CRPPA: variants seen among roughly 807,000 people sequenced by gnomAD.
CRPPA encodes D-ribitol-5-phosphate cytidylyltransferase.
A neutral mutation model predicts 52.0 loss-of-function variants in CRPPA; 43 were observed. The observed-to-expected ratio is 0.83, with a 90% CI of 0.65 to 1.07. CRPPA has a LOEUF of 1.07. Ranked by LOEUF, CRPPA falls within the 50% of genes least tolerant of loss-of-function variation. The pLI is 0.00. For synonymous variants in CRPPA, 250 were observed against 203.5 expected, an observed-to-expected ratio of 1.23 and a Z score of -1.94; for missense variants, 629 against 551.7, an observed-to-expected ratio of 1.14 and a Z score of -1.40.
At chr7:16,399,730 T>C (rs1787746557) in intron 2 of CRPPA, among the ~76,000 whole-genome samples, 1 of 151,892 alleles carries the variant, frequency 6.6e-6, no homozygotes, top group Non-Finnish European at 1.5e-5. Context: ...GACTGACATA[T>C]GATTGACATG....
At chr7:16,420,675 T>C (rs1488895622) in intron 1 of CRPPA, among the ~76,000 whole-genome samples, 1 of 152,174 alleles carries the variant, frequency 6.6e-6, no homozygotes, top group Non-Finnish European at 1.5e-5. Flanking sequence ...AGTGTGCACG[T>C]ACAACTCAAT....
rs766850173 is a variant in CRPPA, at chr7:16,278,232, A to G, written c.836-6T>C. On this transcript the variant is annotated splice_polypyrimidine_tract_variant and splice_region_variant and intron_variant, in intron 5 of 9. Transcript: ENST00000407010. Reference sequence around the variant, plus strand: ...AATCTCTTGGGAAATTCTCTCTGAAATTAAAAAAAAAAAGTTTTAAGTTTC... The same window carrying G: ...AATCTCTTGGGAAATTCTCTCTGAAGTTAAAAAAAAAAAGTTTTAAGTTTC... 6.8e-7 allele frequency: 1 copy of G among 1,462,624 alleles called. No individual in the cohort carries two copies. The highest frequency in any genetic ancestry group is 9.3e-7 in the Non-Finnish European group (1 of 1,073,742). The allele number at this position is 1,462,624 out of a possible 1,614,324, so 90.6% of individuals were successfully genotyped here. A position where few individuals can be genotyped will look rare whatever the true frequency, so the allele number is the denominator to read the frequency against.
chr7:16,142,192 A>G (rs1782886632), intron 9 of CRPPA, among the ~76,000 whole-genome samples: 1 of 151,950 alleles, frequency 6.6e-6, no homozygotes. Context: ...AAGCAAAATA[A>G]TTTTCTTCTT....
chr7:16,164,981 GGAC>G (rs1781020524), intron 9 of CRPPA, among the ~76,000 whole-genome samples: 1 of 151,962 alleles, frequency 6.6e-6, no homozygotes, highest in South Asian at 2.1e-4. Context: ...GGGGCGTCAG[GGAC>G]CCACTTGAGG....
chr7:16,227,329 C>T (rs1164216437), intron 8 of CRPPA, among the ~76,000 whole-genome samples: 3 of 151,802 alleles, frequency 2.0e-5, no homozygotes, highest in African/African-American at 7.2e-5. Flanking sequence ...TCTATAATGG[C>T]TGTGGTAATT....
At chr7:16,274,964 T>C (rs1784170129) in intron 6 of CRPPA, among the ~76,000 whole-genome samples, 1 of 151,886 alleles carries the variant, frequency 6.6e-6, no homozygotes, top group African/African-American at 2.4e-5. Flanking sequence ...ATAAAACCAA[T>C]ATTTGGGAGG....
At chr7:16,229,750 C>A (rs746916677) in intron 8 of CRPPA, among the ~76,000 whole-genome samples, 23 of 151,958 alleles carry the variant, frequency 1.5e-4, no homozygotes, top group Non-Finnish European at 2.6e-4. Context: ...CAAATGTTTT[C>A]ATATTATTCA....
chr7:16,398,345 G>A (rs79160554), intron 2 of CRPPA, among the ~76,000 whole-genome samples: 3 of 69,604 alleles, frequency 4.3e-5, no homozygotes, highest in Non-Finnish European at 7.0e-5. Context: ...TTATCAACAC[G>A]TGTGACATGT....
At chr7:16,128,433 T>C (rs1006292185) in intron 9 of CRPPA, among the ~76,000 whole-genome samples, 2 of 152,122 alleles carry the variant, frequency 1.3e-5, no homozygotes, top group African/African-American at 4.8e-5. Flanking sequence ...GTTAGGGAAA[T>C]CTGAAGAGTT....
At position 16,331,177 on chromosome 7, in the gene CRPPA, T is replaced by G. The variant is rs370473081; in HGVS notation, c.685-22550A>C. Among the ~76,000 whole-genome samples, 96 of 152,080 alleles carry G rather than the reference T, an allele frequency of 6.3e-4. No homozygotes were observed. In the Middle Eastern group the frequency reaches 0.027, roughly 43 times the overall value. On this transcript the variant is annotated intron_variant, in intron 3 of 9. Transcript: ENST00000407010. The stretch of plus-strand genomic sequence containing the variant: ...ACCATGCCCGGCTAATTTTTTGTAT[T>G]TTTTAGTAGAGAGGGGTTTCACCGT...
chr7:16,184,385 T>C (rs1407667623), intron 9 of CRPPA, among the ~76,000 whole-genome samples: 1 of 152,220 alleles, frequency 6.6e-6, no homozygotes, highest in Non-Finnish European at 1.5e-5. Context: ...TACTGCTTCT[T>C]CTCATATTTC....
intron 9 of CRPPA, among the ~76,000 whole-genome samples, chr7:16,094,613 G>C (rs1781900239): frequency 1.3e-5 from 2 of 152,002 alleles, no homozygotes; most frequent in South Asian, 4.1e-4. Flanking sequence ...ACATTATTTT[G>C]TGAGTTCCAA....
chr7:16,162,940 T>C (rs565599073), intron 9 of CRPPA, among the ~76,000 whole-genome samples: 1 of 151,890 alleles, frequency 6.6e-6, no homozygotes, highest in Non-Finnish European at 1.5e-5. Context: ...AATGCCCTTC[T>C]TTGTCTTTTT....
chr7:16,300,765 C>CA (rs1784776179), intron 5 of CRPPA, among the ~76,000 whole-genome samples: 1 of 152,126 alleles, frequency 6.6e-6, no homozygotes, highest in African/African-American at 2.4e-5. Flanking sequence ...TAACAGGCTA[C>CA]AAAAATACAG....
At chr7:16,408,108 T>TAAAAA (rs912306940) in intron 1 of CRPPA, among the ~76,000 whole-genome samples, 3 of 138,596 alleles carry the variant, frequency 2.2e-5, no homozygotes, top group East Asian at 2.1e-4. Flanking sequence ...ACTCTGTCTT[T>TAAAAA]AAAAAAAAAA....
chr7:16,232,087 C>G (rs1249556840), intron 8 of CRPPA, among the ~76,000 whole-genome samples: 1 of 152,146 alleles, frequency 6.6e-6, no homozygotes, highest in East Asian at 1.9e-4. Flanking sequence ...ATATCTTCCT[C>G]ATACAGACAG....
intron 8 of CRPPA, among the ~76,000 whole-genome samples, chr7:16,251,935 CAGG>C (rs899295762): frequency 5.9e-5 from 9 of 152,058 alleles, no homozygotes; most frequent in African/African-American, 2.2e-4. Flanking sequence ...TCAGTGAGTC[CAGG>C]AGATGACATT....
intron 3 of CRPPA, among the ~76,000 whole-genome samples, chr7:16,312,415 T>C (rs1368823147): frequency 2.0e-5 from 3 of 152,028 alleles, no homozygotes; most frequent in Non-Finnish European, 4.4e-5. Context: ...TTACACATGT[T>C]CATGCTGGTA....
chr7:16,236,175 T>C (rs1369143009), intron 8 of CRPPA, among the ~76,000 whole-genome samples: 1 of 152,126 alleles, frequency 6.6e-6, no homozygotes, highest in South Asian at 2.1e-4. Flanking sequence ...AGTCATTCTA[T>C]AAATACATTA....
Sources: allele counts gnomAD v4.1 joint callset (sites outside exome capture counted in the v4.1 genomes callset), GRCh38; gene constraint gnomAD v4.1.1; transcripts MANE v1.5; gene names NCBI Gene and HGNC (gene_info 2026-07-23, HGNC 2026-07-21).